Variants in FOXJ3 observed in about 807,000 individuals in gnomAD.
FOXJ3 encodes the protein forkhead box protein J3.
Under a neutral mutation model 76.1 loss-of-function variants are expected in FOXJ3, and 22 were observed. The observed-to-expected ratio is 0.29, with a 90% CI of 0.21 to 0.41. The LOEUF (loss-of-function observed/expected upper bound fraction) is 0.41, where lower values mean the gene tolerates loss of function less well. FOXJ3 is among the 10% of genes least tolerant of loss of function. The pLI is 1.00. For synonymous variants in FOXJ3, 269 were observed against 261.2 expected, an observed-to-expected ratio of 1.03 and a Z score of -0.29; for missense variants, 613 against 762.1, an observed-to-expected ratio of 0.80 and a Z score of 2.30.
intron 3 of FOXJ3, among the ~76,000 whole-genome samples, chr1:42,267,581 T>C (rs1211577712): frequency 1.3e-5 from 2 of 150,206 alleles, no homozygotes; most frequent in Non-Finnish European, 3.0e-5. Flanking sequence ...TTATAAGACA[T>C]AGAAAAGAAA....
chr1:42,251,512 G>A (rs560456782), intron 4 of FOXJ3, among the ~76,000 whole-genome samples: 1 of 152,170 alleles, frequency 6.6e-6, no homozygotes, highest in Admixed American at 6.5e-5. Context: ...AGCATGAAGA[G>A]TTGTTGAATT....
chr1:42,206,080 T>A (rs1646855783), intron 5 of FOXJ3: 1 of 473,392 alleles, frequency 2.1e-6, no homozygotes, highest in Non-Finnish European at 3.7e-6. Context: ...TAACAACTCT[T>A]AATTTACTGC....
At chr1:42,209,919 C>A (rs1646933633) in intron 5 of FOXJ3, among the ~76,000 whole-genome samples, 1 of 152,176 alleles carries the variant, frequency 6.6e-6, no homozygotes, top group African/African-American at 2.4e-5. Context: ...GGTGCAGGAG[C>A]TGGGTGTCCC....
intron 3 of FOXJ3, among the ~76,000 whole-genome samples, chr1:42,277,863 G>T (rs1652403653): frequency 6.8e-6 from 1 of 147,110 alleles, no homozygotes; most frequent in South Asian, 2.2e-4. Context: ...TATAGTCCCA[G>T]CTACTCAGGA....
chr1:42,270,361 G>T (rs1651779973), intron 3 of FOXJ3, among the ~76,000 whole-genome samples: 1 of 152,134 alleles, frequency 6.6e-6, no homozygotes, highest in Non-Finnish European at 1.5e-5. Context: ...CTACCAAAAT[G>T]TAAATAGGTT....
chr1:42,307,261 T>A (rs937476980), intron 2 of FOXJ3, among the ~76,000 whole-genome samples: 1 of 152,188 alleles, frequency 6.6e-6, no homozygotes, highest in African/African-American at 2.4e-5. Flanking sequence ...GACAGCAGCA[T>A]CAGCCAGCAA....
chr1:42,221,842 G>C (rs899165527), intron 5 of FOXJ3, among the ~76,000 whole-genome samples: 1 of 147,888 alleles, frequency 6.8e-6, no homozygotes, highest in Non-Finnish European at 1.5e-5. Flanking sequence ...GCCAAACACA[G>C]GTGGCTCACA....
intron 2 of FOXJ3, among the ~76,000 whole-genome samples, chr1:42,284,088 C>T (rs551286839): frequency 2.6e-5 from 4 of 152,118 alleles, no homozygotes; most frequent in Non-Finnish European, 4.4e-5. Flanking sequence ...CCGCAGACTG[C>T]CTACCCTACA....
intron 1 of FOXJ3, among the ~76,000 whole-genome samples, chr1:42,316,471 C>A (rs1466138764): frequency 1.3e-5 from 2 of 151,462 alleles, no homozygotes; most frequent in Non-Finnish European, 2.9e-5. Flanking sequence ...ACACCCAGCT[C>A]GAAATACTTA....
At chr1:42,194,165 C>T (rs896805312) in intron 8 of FOXJ3, among the ~76,000 whole-genome samples, 3 of 152,132 alleles carry the variant, frequency 2.0e-5, no homozygotes, top group Admixed American at 1.3e-4. Context: ...GTTAATGTGC[C>T]AAACAAACAA....
chr1:42,227,839 C>G, intron 5 of FOXJ3, 44 bp downstream of exon 5: 1 of 1,034,572 alleles, frequency 9.7e-7, no homozygotes, highest in Non-Finnish European at 1.4e-6. Flanking sequence ...GTATTTCAGA[C>G]ATATTCAATG....
intron 2 of FOXJ3, among the ~76,000 whole-genome samples, chr1:42,292,708 A>C (rs1379531839): frequency 6.6e-6 from 1 of 152,216 alleles, no homozygotes; most frequent in Non-Finnish European, 1.5e-5. Flanking sequence ...GGGTATGTTC[A>C]CCACATTGAT....
In FOXJ3 at chr1:42,298,757, A is replaced by G. The variant is rs1329339552; in HGVS notation, c.44+12293T>C. 2.6e-5 allele frequency among the ~76,000 whole-genome samples: 4 copies of G among 152,122 alleles called. No homozygotes were observed. The East Asian group carries it at 5.8e-4, about 22-fold the overall frequency. ...TATGGTGGTAGCTTGAGATCTTCCT[A>G]TCTTTTTAATGTGGGCATTTAACGC... On this transcript the variant is annotated intron_variant, in intron 2 of 12. Coordinates refer to ENST00000361346, the MANE Select transcript of FOXJ3 (RefSeq NM_014947.5).
intron 4 of FOXJ3, among the ~76,000 whole-genome samples, chr1:42,229,585 G>T (rs976088724): frequency 2.0e-5 from 3 of 152,144 alleles, no homozygotes; most frequent in Non-Finnish European, 4.4e-5. Flanking sequence ...TACTGCTGGG[G>T]TATTTCTATG....
At position 42,176,623 on chromosome 1, in the gene FOXJ3, T is replaced by C. The variant is rs1188605971; in HGVS notation, c.*3087A>G. 1.3e-5 allele frequency: 2 copies of C among 152,638 alleles called. No homozygotes were observed. The highest frequency in any genetic ancestry group is 2.9e-5 in the Non-Finnish European group (2 of 68,018). 9.5% of individuals were successfully genotyped at this position (152,638 alleles called of 1,614,324 possible). A position where few individuals can be genotyped will look rare whatever the true frequency, so the allele number is the denominator to read the frequency against. On this transcript the variant is annotated 3_prime_UTR_variant, in exon 13 of 13. Transcript: ENST00000361346. Reference sequence around the variant, plus strand: ...CTGGCAGCAACAATCCTAATGACACTTGGAATATTTCTTTACAGCACTAAA... The same window carrying C: ...CTGGCAGCAACAATCCTAATGACACCTGGAATATTTCTTTACAGCACTAAA...
At chr1:42,315,963 G>C (rs991567108) in intron 1 of FOXJ3, among the ~76,000 whole-genome samples, 1 of 152,144 alleles carries the variant, frequency 6.6e-6, no homozygotes, top group African/African-American at 2.4e-5. Context: ...TGCAATACAA[G>C]CTATTTACTG....
At chr1:42,207,544 C>T (rs965468702) in intron 5 of FOXJ3, among the ~76,000 whole-genome samples, 1 of 152,152 alleles carries the variant, frequency 6.6e-6, no homozygotes, top group South Asian at 2.1e-4. Context: ...GAGGGGCAAA[C>T]AGAAGTAATT....
intron 6 of FOXJ3, among the ~76,000 whole-genome samples, chr1:42,202,821 C>A (rs1408833765): frequency 6.6e-6 from 1 of 152,122 alleles, no homozygotes; most frequent in Admixed American, 6.5e-5. Context: ...AAGGGGTGAG[C>A]CACCACACCC....
intron 2 of FOXJ3, among the ~76,000 whole-genome samples, chr1:42,294,005 T>C (rs1653615002): frequency 6.6e-6 from 1 of 152,214 alleles, no homozygotes; most frequent in Admixed American, 6.5e-5. Context: ...TTGTGGACTC[T>C]TGAACACTAG....
Sources: gnomAD v4.1 joint callset for allele counts (sites outside exome capture counted in the v4.1 genomes callset) on GRCh38, gnomAD v4.1.1 for gene constraint, MANE v1.5 for transcripts, NCBI Gene and HGNC (gene_info 2026-07-23, HGNC 2026-07-21) for gene names.